The following CTNNA3 variants were observed in gnomAD, a reference collection of about 807,000 sequenced individuals.
CTNNA3 encodes the protein catenin alpha 3.
Under a neutral mutation model 95.7 loss-of-function variants are expected in CTNNA3, and 76 were observed. That is an observed-to-expected ratio of 0.79 (90% CI 0.66 to 0.96). CTNNA3 has a LOEUF of 0.96. CTNNA3 is among the 40% of genes least tolerant of loss of function. The pLI, the probability that CTNNA3 is intolerant of heterozygous loss-of-function variation, is 0.00. For synonymous variants in CTNNA3, 431 were observed against 374.4 expected, an observed-to-expected ratio of 1.15 and a Z score of -1.74; for missense variants, 1,191 against 1,089.8, an observed-to-expected ratio of 1.09 and a Z score of -1.31.
intron 9 of CTNNA3, among the ~76,000 whole-genome samples, chr10:66,741,851 T>G (rs181633052): frequency 5.3e-4 from 80 of 152,344 alleles, no homozygotes; most frequent in African/African-American, 1.8e-3. Flanking sequence ...CCCTTGTGAT[T>G]TCCTATGCCT....
intron 10 of CTNNA3, among the ~76,000 whole-genome samples, chr10:66,614,275 A>AATAG (rs1844432555): frequency 6.6e-6 from 1 of 152,054 alleles, no homozygotes; most frequent in African/African-American, 2.4e-5. Context: ...AAGGAAGGGG[A>AATAG]ATAGTAATGG....
chr10:66,173,599 C>A (rs547636135), intron 13 of CTNNA3, among the ~76,000 whole-genome samples: 51 of 151,924 alleles, frequency 3.4e-4, no homozygotes, highest in African/African-American at 1.2e-3. Flanking sequence ...AGGAGGATCA[C>A]TTGAGCCTGG....
intron 3 of CTNNA3, among the ~76,000 whole-genome samples, chr10:67,586,604 T>G (rs545401284): frequency 3.2e-4 from 48 of 152,274 alleles, no homozygotes; most frequent in Non-Finnish European, 6.8e-4. Flanking sequence ...CTGTTTTATC[T>G]GATGCAAGTA....
chr10:66,917,858 G>A (rs1846576538), intron 7 of CTNNA3, among the ~76,000 whole-genome samples: 1 of 152,172 alleles, frequency 6.6e-6, no homozygotes, highest in Admixed American at 6.5e-5. Flanking sequence ...AACACTGACT[G>A]ACTTTACATT....
intron 13 of CTNNA3, among the ~76,000 whole-genome samples, chr10:66,222,787 A>G (rs1304813675): frequency 6.6e-6 from 1 of 152,000 alleles, no homozygotes; most frequent in Non-Finnish European, 1.5e-5. Flanking sequence ...AAAGAAAAGT[A>G]AAGAGAAAGA....
At chr10:67,371,187 A>G (rs1002000173) in intron 5 of CTNNA3, among the ~76,000 whole-genome samples, 5 of 151,418 alleles carry the variant, frequency 3.3e-5, no homozygotes, top group Non-Finnish European at 5.9e-5. Context: ...TTACAGCAAG[A>G]AATTGTTCCT....
chr10:66,961,756 A>G (rs1849119264), intron 7 of CTNNA3, among the ~76,000 whole-genome samples: 1 of 152,112 alleles, frequency 6.6e-6, no homozygotes, highest in Admixed American at 6.5e-5. Context: ...CCTTGAGGAC[A>G]TTTCAAAGGC....
intron 5 of CTNNA3, among the ~76,000 whole-genome samples, chr10:67,379,175 C>T (rs1192859742): frequency 1.3e-5 from 2 of 152,076 alleles, no homozygotes; most frequent in East Asian, 3.9e-4. Context: ...TATAAAGTTG[C>T]CATGAGCATA....
In CTNNA3 at chr10:65,920,437, T is replaced by C. The variant is rs544334804; in HGVS notation, c.2581A>G (p.Arg861Gly). The C allele has an allele frequency of 9.9e-6, 16 of 1,614,202 alleles. No individual in the cohort carries two copies. In the South Asian group the frequency reaches 1.6e-4, roughly 17 times the overall value. Residue 861 changes from arginine to glycine, a missense_variant, in exon 18 of 18, where the codon AGA becomes GGA. Arg to Gly is a moderately radical substitution (Grantham distance 125, BLOSUM62 -2). Coordinates refer to ENST00000433211, the MANE Select transcript of CTNNA3 (RefSeq NM_013266.4). ...GCACACGTTTCCTCTGGCTTCTCTC[T>C]TTTAATCAAGGGTTTTTTTGCAGGA... is the stretch of plus-strand genomic sequence containing the variant. Reference protein sequence around the residue: ...KAPAKKPLIKREKPEETCAAV... With the variant: ...KAPAKKPLIKGEKPEETCAAV...
At chr10:67,086,483 G>C (rs537343837) in intron 7 of CTNNA3, among the ~76,000 whole-genome samples, 1 of 151,972 alleles carries the variant, frequency 6.6e-6, no homozygotes, top group African/African-American at 2.4e-5. Flanking sequence ...TCAGCTGCTT[G>C]GGTTCAGCAA....
chr10:66,339,438 A>G (rs367988979), intron 12 of CTNNA3, among the ~76,000 whole-genome samples: 17 of 151,970 alleles, frequency 1.1e-4, no homozygotes, highest in African/African-American at 4.1e-4. Context: ...AGCAGAGGTA[A>G]TAGGTTCACC....
At chr10:66,978,739 A>T (rs1290997728) in intron 7 of CTNNA3, among the ~76,000 whole-genome samples, 2 of 147,606 alleles carry the variant, frequency 1.4e-5, no homozygotes, top group Non-Finnish European at 3.0e-5. Flanking sequence ...AACCTGTCAC[A>T]TTATTTTATA....
At chr10:66,083,034 A>T (rs1461915872) in intron 14 of CTNNA3, among the ~76,000 whole-genome samples, 1 of 149,004 alleles carries the variant, frequency 6.7e-6, no homozygotes, top group Non-Finnish European at 1.5e-5. Context: ...GTCTAAAACT[A>T]TTTTTTTTTC....
chr10:66,696,584 T>A (rs1456674327), intron 9 of CTNNA3, among the ~76,000 whole-genome samples: 1 of 152,104 alleles, frequency 6.6e-6, no homozygotes, highest in South Asian at 2.1e-4. Context: ...TAAATAGTTA[T>A]GAGGAAAAAA....
chr10:67,403,755 G>C (rs1845019330), intron 5 of CTNNA3, among the ~76,000 whole-genome samples: 1 of 152,216 alleles, frequency 6.6e-6, no homozygotes, highest in South Asian at 2.1e-4. Flanking sequence ...CATTCCTCCT[G>C]ACTAGGTGAG....
intron 9 of CTNNA3, among the ~76,000 whole-genome samples, chr10:66,651,502 G>T (rs933934844): frequency 6.6e-6 from 1 of 152,040 alleles, no homozygotes; most frequent in Non-Finnish European, 1.5e-5. Flanking sequence ...ACTGGGCGCC[G>T]CAGAGAAGGG....
intron 7 of CTNNA3, among the ~76,000 whole-genome samples, chr10:67,068,696 C>A (rs114898880): frequency 1.3e-5 from 2 of 152,138 alleles, no homozygotes; most frequent in South Asian, 2.1e-4. Flanking sequence ...AGCAAATGAC[C>A]CAAATATGTT....
chr10:67,335,887 T>C (rs995944495), intron 5 of CTNNA3, among the ~76,000 whole-genome samples: 1 of 142,270 alleles, frequency 7.0e-6, no homozygotes, highest in African/African-American at 3.0e-5. Flanking sequence ...ACAAATAGTG[T>C]TTTTTTTTTT....
chr10:67,124,689 A>G (rs944953310), intron 7 of CTNNA3, among the ~76,000 whole-genome samples: 2 of 152,242 alleles, frequency 1.3e-5, no homozygotes, highest in Non-Finnish European at 2.9e-5. Context: ...AAGCTATAAT[A>G]AATTCGTCAT....
Sources: allele counts gnomAD v4.1 joint callset (sites outside exome capture counted in the v4.1 genomes callset), GRCh38; gene constraint gnomAD v4.1.1; transcripts MANE v1.5; gene names NCBI Gene and HGNC (gene_info 2026-07-23, HGNC 2026-07-21).